Variants in CPA3 observed in about 807,000 individuals in gnomAD.
CPA3 encodes carboxypeptidase A3, also known as mast cell carboxypeptidase A.
A neutral mutation model predicts 55.8 loss-of-function variants in CPA3; 52 were observed. The observed-to-expected ratio is 0.93, with a 90% CI of 0.75 to 1.17. The LOEUF (loss-of-function observed/expected upper bound fraction) is 1.17, where lower values mean the gene tolerates loss of function less well. Ranked by LOEUF, CPA3 falls within the 50% of genes most tolerant of loss-of-function variation. CPA3 has a pLI of 0.00. For missense variants in CPA3, 547 were observed against 509.1 expected, an observed-to-expected ratio of 1.07 and a Z score of -0.72; for synonymous variants, 179 against 171.2, an observed-to-expected ratio of 1.05 and a Z score of -0.36.
chr3:148,869,426 T>C (rs1239067090), intron 3 of CPA3, among the ~76,000 whole-genome samples: 5 of 152,186 alleles, frequency 3.3e-5, no homozygotes, highest in East Asian at 1.9e-4. Flanking sequence ...CCTCCTTTTA[T>C]ATATTTGAAT....
At chr3:148,894,429 G>T (rs1714766998) in intron 10 of CPA3, among the ~76,000 whole-genome samples, 1 of 140,698 alleles carries the variant, frequency 7.1e-6, no homozygotes, top group Admixed American at 7.2e-5. Context: ...AAGGTGTAAA[G>T]CAAGAAAAAA....
intron 6 of CPA3, 187 bp from the exon 7 acceptor site, chr3:148,881,335 C>T (rs1368998567): frequency 8.4e-6 from 4 of 474,970 alleles, no homozygotes; most frequent in Admixed American, 3.8e-5. Context: ...TGTCACTAGT[C>T]TAAATAAGTT....
At chr3:148,887,158 C>T (rs1022691154) in intron 10 of CPA3, among the ~76,000 whole-genome samples, 2 of 151,858 alleles carry the variant, frequency 1.3e-5, no homozygotes, top group African/African-American at 2.4e-5. Flanking sequence ...ATAGCTTTGG[C>T]TTTGTGGAGG....
At position 148,881,620 on chromosome 3, in the gene CPA3, G is replaced by A; in HGVS notation, c.675G>A (p.Trp225Ter). The A allele has an allele frequency of 6.2e-7, 1 of 1,606,638 alleles. No homozygotes were observed. ...TGTTCAATGTTGATGGATATATTTG[G>A]TCATGGACAAAGGTACTGCTCTCTA... ...LPVFNVDGYI[W>*]SWTKNRMWRK... The change falls in exon 7 of 11, where the codon TGG becomes TGA. Residue 225 changes from tryptophan to a stop codon, truncating the protein, a stop_gained. Transcript: ENST00000296046. LOFTEE classifies it high-confidence loss of function.
intron 3 of CPA3, among the ~76,000 whole-genome samples, chr3:148,875,560 C>CT (rs968681562): frequency 1.6e-4 from 24 of 151,174 alleles, no homozygotes; most frequent in Non-Finnish European, 3.0e-4. Context: ...TAACTTTTCT[C>CT]TTTTTTTTTC....
chr3:148,880,006 G>C (rs1291379256), intron 6 of CPA3, 117 bp downstream of exon 6: 1 of 647,498 alleles, frequency 1.5e-6, no homozygotes, highest in Non-Finnish European at 2.7e-6. Context: ...CCCATACTTG[G>C]TGCTGTCAGG....
chr3:148,896,548 G>T lies in CPA3; in HGVS notation c.1095G>T (p.Trp365Cys). The T allele has an allele frequency of 6.5e-7, 1 of 1,538,884 alleles. No individual in the cohort carries two copies. ...IYPISGSSLDWAYDLGIKHTF... is the reference protein window; with the variant it reads ...IYPISGSSLDCAYDLGIKHTF... Reference sequence around the variant, plus strand: ...CGATATCAGGTTCTTCTTTAGACTGGGCTTATGACCTGGGCATCAAACACA... The same window carrying T: ...CGATATCAGGTTCTTCTTTAGACTGTGCTTATGACCTGGGCATCAAACACA... Residue 365 changes from tryptophan to cysteine, a missense_variant, in exon 11 of 11, where the codon TGG (tryptophan) becomes TGT (cysteine). By Grantham distance (215) the Trp-to-Cys change is radical. Transcript: ENST00000296046.
intron 3 of CPA3, among the ~76,000 whole-genome samples, chr3:148,877,966 G>A (rs564618607): frequency 5.9e-5 from 9 of 152,092 alleles, no homozygotes; most frequent in Admixed American, 1.3e-4. Context: ...AGTACAATAC[G>A]AGCCACATGC....
intron 9 of CPA3, among the ~76,000 whole-genome samples, chr3:148,884,107 A>C (rs542558733): frequency 6.6e-6 from 1 of 152,306 alleles, no homozygotes; most frequent in South Asian, 2.1e-4. Context: ...TGTGGGGTTT[A>C]ACATTTACCA....
chr3:148,891,447 T>C (rs1378977415), intron 10 of CPA3, among the ~76,000 whole-genome samples: 1 of 150,638 alleles, frequency 6.6e-6, no homozygotes, highest in Non-Finnish European at 1.5e-5. Flanking sequence ...GCCACCGCAC[T>C]CCAGCCAAGG....
intron 9 of CPA3, among the ~76,000 whole-genome samples, chr3:148,884,928 G>A (rs1380517151): frequency 6.6e-6 from 1 of 151,158 alleles, no homozygotes; most frequent in Non-Finnish European, 1.5e-5. Context: ...AATTGATTAA[G>A]AAAAAAATTA....
chr3:148,886,270 C>G, intron 10 of CPA3, 93 bp downstream of exon 10: 1 of 789,370 alleles, frequency 1.3e-6, no homozygotes, highest in Admixed American at 2.7e-5. Flanking sequence ...TAGGTTAGAG[C>G]ATCTGGAATT....
At chr3:148,867,003 G>C (rs531351623) in intron 2 of CPA3, among the ~76,000 whole-genome samples, 2 of 152,166 alleles carry the variant, frequency 1.3e-5, no homozygotes, top group South Asian at 4.2e-4. Context: ...TGATCCACCC[G>C]CCTCAGCCTC....
intron 3 of CPA3, among the ~76,000 whole-genome samples, chr3:148,873,764 A>C (rs968097500): frequency 6.6e-6 from 1 of 152,148 alleles, no homozygotes; most frequent in Non-Finnish European, 1.5e-5. Context: ...CATTTTGGAA[A>C]CTGGCCAAAC....
chr3:148,890,775 C>A (rs78941092), intron 10 of CPA3, among the ~76,000 whole-genome samples: 2,862 of 152,296 alleles, frequency 0.019, 47 homozygotes, highest in Middle Eastern at 0.031. Context: ...CATTAAGTCA[C>A]CAACGTCACT....
chr3:148,893,091 T>C (rs533021643), intron 10 of CPA3, among the ~76,000 whole-genome samples: 2 of 152,072 alleles, frequency 1.3e-5, no homozygotes, highest in Non-Finnish European at 1.5e-5. Context: ...TTTAATGTAA[T>C]AGCTAAAATG....
At chr3:148,881,425 T>G in intron 6 of CPA3, 97 bp from the exon 7 acceptor site, 1 of 661,606 alleles carries the variant, frequency 1.5e-6, no homozygotes, top group Non-Finnish European at 2.7e-6. Context: ...ACATGTGACC[T>G]TGGGAAGTGA....
rs772834373 is a variant in CPA3 at position 148,883,628 on chromosome 3, A to G, written c.794A>G (p.Asn265Ser). Residue 265 changes from asparagine (N) to serine (S), a missense_variant, in exon 9 of 11, where the codon AAT (asparagine) becomes AGT (serine). Physicochemically the swap from Asn to Ser is conservative, Grantham distance 46 (BLOSUM62 1). Transcript: ENST00000296046. ...TCTTCTGCAGCCATTCCTAACACCA[A>G]TGACCCATGTGCAGATAACTATCGG... ...NASWNSIPNT[N>S]DPCADNYRGS... 75 of 1,613,834 alleles carry G rather than the reference A, an allele frequency of 4.6e-5. No individual in the cohort carries two copies. In the South Asian group the frequency reaches 7.1e-4, roughly 15 times the overall value.
At chr3:148,887,761 T>C (rs185112546) in intron 10 of CPA3, among the ~76,000 whole-genome samples, 189 of 152,322 alleles carry the variant, frequency 1.2e-3, no homozygotes, top group Non-Finnish European at 2.3e-3. Flanking sequence ...AAATTCCCCA[T>C]GAAACTTCTC....
Sources: allele counts gnomAD v4.1 joint callset (sites outside exome capture counted in the v4.1 genomes callset), GRCh38; gene constraint gnomAD v4.1.1; transcripts MANE v1.5; gene names NCBI Gene and HGNC (gene_info 2026-07-23, HGNC 2026-07-21).